Variants in ANKS1B observed in about 807,000 individuals in gnomAD.
The protein encoded by ANKS1B is ankyrin repeat and sterile alpha motif domain containing 1B, also known as ankyrin repeat and sterile alpha motif domain-containing protein 1B.
A neutral mutation model predicts 148.3 loss-of-function variants in ANKS1B; 36 were observed. The ratio of observed to expected loss-of-function variants is 0.24; its 90% CI spans 0.19 to 0.32. ANKS1B has a LOEUF of 0.32. Among genes scored for constraint, ANKS1B ranks in the 10% least tolerant of loss-of-function variants. The probability of loss-of-function intolerance (pLI) is 1.00; values close to 1 mark genes in which losing one functional copy is unlikely to be tolerated. For missense variants in ANKS1B, 1,157 were observed against 1,542.6 expected, an observed-to-expected ratio of 0.75 and a Z score of 4.19; for synonymous variants, 542 against 560.8, an observed-to-expected ratio of 0.97 and a Z score of 0.47.
At chr12:98,956,800 T>C (rs764345980) in intron 17 of ANKS1B, among the ~76,000 whole-genome samples, 1 of 152,148 alleles carries the variant, frequency 6.6e-6, no homozygotes, top group Non-Finnish European at 1.5e-5. Context: ...ACTTGGTTCC[T>C]GCCCTCATGA....
chr12:99,657,201 T>A (rs141987117), intron 8 of ANKS1B, among the ~76,000 whole-genome samples: 1 of 152,154 alleles, frequency 6.6e-6, no homozygotes, highest in East Asian at 1.9e-4. Flanking sequence ...ACTTTATAAA[T>A]GAGGAAACTA....
intron 17 of ANKS1B, among the ~76,000 whole-genome samples, chr12:99,007,820 G>C (rs17028964): frequency 0.013 from 1,926 of 152,058 alleles, 72 homozygotes; most frequent in Admixed American, 0.062. Context: ...TGCTTTTGCT[G>C]TCTCTCTAGC....
At chr12:99,410,237 A>G in intron 11 of ANKS1B, among the ~76,000 whole-genome samples, 1 of 152,160 alleles carries the variant, frequency 6.6e-6, no homozygotes, top group Non-Finnish European at 1.5e-5. Context: ...CCATTCATTG[A>G]TGTATTGTCT....
chr12:99,446,617 G>A (rs1478219378), intron 10 of ANKS1B, among the ~76,000 whole-genome samples: 5 of 152,004 alleles, frequency 3.3e-5, no homozygotes, highest in Non-Finnish European at 7.4e-5. Context: ...GCATGTCATA[G>A]CAGGTATGCA....
At chr12:99,646,704 T>C (rs2098371199) in intron 9 of ANKS1B, among the ~76,000 whole-genome samples, 1 of 141,392 alleles carries the variant, frequency 7.1e-6, no homozygotes, top group South Asian at 2.4e-4. Flanking sequence ...TATGGCTCTG[T>C]GTGTGTGTGT....
intron 11 of ANKS1B, among the ~76,000 whole-genome samples, chr12:99,428,364 G>A (rs1000717842): frequency 1.3e-5 from 2 of 152,232 alleles, no homozygotes; most frequent in South Asian, 2.1e-4. Flanking sequence ...ACTGGCATGC[G>A]GTATCAGAGC....
intron 1 of ANKS1B, among the ~76,000 whole-genome samples, chr12:99,863,351 C>A (rs919167720): frequency 2.0e-5 from 3 of 152,082 alleles, no homozygotes; most frequent in Non-Finnish European, 4.4e-5. Flanking sequence ...CTGGCAACAC[C>A]ATTCTCTCAA....
intron 8 of ANKS1B, among the ~76,000 whole-genome samples, chr12:99,723,727 C>T (rs985176028): frequency 6.6e-6 from 1 of 152,166 alleles, no homozygotes; most frequent in Non-Finnish European, 1.5e-5. Flanking sequence ...ACATCCTATA[C>T]AGGAGTGATC....
intron 17 of ANKS1B, among the ~76,000 whole-genome samples, chr12:99,019,506 T>C (rs958157178): frequency 1.2e-4 from 18 of 152,188 alleles, no homozygotes; most frequent in Admixed American, 4.6e-4. Context: ...GTGAAATAAC[T>C]GATAAAGAGA....
intron 9 of ANKS1B, among the ~76,000 whole-genome samples, chr12:99,591,438 A>G (rs1050480633): frequency 6.6e-6 from 1 of 152,070 alleles, no homozygotes; most frequent in African/African-American, 2.4e-5. Context: ...TACACTCTAT[A>G]TTGGTAAAAA....
At chr12:98,740,280 T>A (rs1302825385), downstream of ANKS1B, among the ~76,000 whole-genome samples, 1 of 152,160 alleles carries the variant, frequency 6.6e-6, no homozygotes, top group East Asian at 1.9e-4. Context: ...GATTCCAGTG[T>A]GCAGTGGAGG....
At chr12:99,805,697 C>A (rs995393976) in intron 4 of ANKS1B, among the ~76,000 whole-genome samples, 4 of 152,082 alleles carry the variant, frequency 2.6e-5, no homozygotes, top group Non-Finnish European at 5.9e-5. Context: ...GTTGACCATT[C>A]CTTGTGGAGA....
At chr12:99,208,629 G>A (rs1482160538) in intron 14 of ANKS1B, among the ~76,000 whole-genome samples, 2 of 152,050 alleles carry the variant, frequency 1.3e-5, no homozygotes, top group African/African-American at 2.4e-5. Context: ...TAATGTTAAG[G>A]TCATACCATT....
chr12:99,693,766 C>G lies in ANKS1B; in HGVS notation c.1129-38556G>C, dbSNP rs898060155. 2.7e-5 allele frequency among the ~76,000 whole-genome samples: 4 copies of G among 148,250 alleles called. No individual in the cohort carries two copies. In the East Asian group the frequency reaches 8.1e-4, roughly 30 times the overall value. ...TGGTTCCTACACACTGGTCTTTCAACAAATATTTTTTGGACTTTTTTTTTT... is the reference window on the plus strand; with the variant it reads ...TGGTTCCTACACACTGGTCTTTCAAGAAATATTTTTTGGACTTTTTTTTTT... On this transcript the variant is annotated intron_variant, in intron 8 of 26. Transcript: ENST00000683438.
At chr12:99,937,461 T>G (rs1272573276) in intron 1 of ANKS1B, among the ~76,000 whole-genome samples, 1 of 152,046 alleles carries the variant, frequency 6.6e-6, no homozygotes, top group African/African-American at 2.4e-5. Context: ...AATACCCACT[T>G]CTCCTTTGAT....
chr12:99,684,204 G>C (rs551187774), intron 8 of ANKS1B, among the ~76,000 whole-genome samples: 19 of 152,038 alleles, frequency 1.2e-4, no homozygotes, highest in African/African-American at 4.1e-4. Context: ...CATATACCTA[G>C]AAAAGTATAA....
chr12:98,960,694 T>TA (rs1029280709), intron 17 of ANKS1B, among the ~76,000 whole-genome samples: 75 of 152,228 alleles, frequency 4.9e-4, no homozygotes, highest in African/African-American at 1.6e-3. Flanking sequence ...GAGACAGAGA[T>TA]ATGTAACCTT....
At chr12:99,735,807 CAAAAAA>C (rs376398944) in intron 8 of ANKS1B, among the ~76,000 whole-genome samples, 1 of 108,956 alleles carries the variant, frequency 9.2e-6, no homozygotes, top group African/African-American at 3.5e-5. Context: ...GGACATATAC[CAAAAAA>C]AAAAAAAAAA....
intron 24 of ANKS1B, 92 bp from the exon 25 acceptor site, chr12:98,773,271 C>A: frequency 6.9e-7 from 1 of 1,452,126 alleles, no homozygotes; most frequent in African/African-American, 1.4e-5. Context: ...AGTTGCTTTC[C>A]TTCTTTCTGG....
Sources: allele counts gnomAD v4.1 joint callset (sites outside exome capture counted in the v4.1 genomes callset), GRCh38; gene constraint gnomAD v4.1.1; transcripts MANE v1.5; gene names NCBI Gene and HGNC (gene_info 2026-07-23, HGNC 2026-07-21).